PCDHA12: variants seen among roughly 807,000 people sequenced by gnomAD.
PCDHA12 encodes the protein protocadherin alpha 12, also known as protocadherin alpha-12.
A neutral mutation model predicts 60.0 loss-of-function variants in PCDHA12; 44 were observed. That is an observed-to-expected ratio of 0.73 (90% confidence interval 0.58 to 0.94). PCDHA12 has a LOEUF of 0.94. Among genes scored for constraint, PCDHA12 ranks in the 40% least tolerant of loss-of-function variants. PCDHA12 has a pLI of 0.00. For synonymous variants in PCDHA12, 569 were observed against 553.0 expected, an observed-to-expected ratio of 1.03 and a Z score of -0.40; for missense variants, 1,276 against 1,239.7, an observed-to-expected ratio of 1.03 and a Z score of -0.44.
rs1554262759 is a variant in PCDHA12 at position 141,010,215 on chromosome 5, G to A, written c.*278G>A. ...CCTTTCTCCTCCGCCGCAAAGGAGA[G>A]GCTTCCCAGCCCCGCCAGTGAGAGG... On this transcript the variant is annotated 3_prime_UTR_variant, in exon 4 of 4. Transcript: ENST00000398631. The A allele has an allele frequency of 6.4e-7, 1 of 1,551,774 alleles. No homozygotes were observed. Among genetic ancestry groups the A allele is most frequent in the East Asian group, 2.4e-5 (1 of 40,918 alleles).
In PCDHA12 at chr5:140,876,938, T is replaced by C; in HGVS notation, c.1466T>C (p.Leu489Pro). The stretch of plus-strand genomic sequence containing the variant: ...GACGCGGACGCGCAGAAGAACGCGC[T>C]GGTGTCCTACTCGCTGGTGGAGCGG... ...AWDADAQKNALVSYSLVERRV... is the reference protein window; with the variant it reads ...AWDADAQKNAPVSYSLVERRV... The change falls in exon 1 of 4, where the codon CTG becomes CCG. Residue 489 changes from leucine to proline, a missense_variant. Physicochemically the swap from Leu to Pro is moderately conservative, Grantham distance 98. Transcript: ENST00000398631. The C allele has an allele frequency of 6.2e-7, 1 of 1,613,716 alleles. No individual in the cohort carries two copies. The highest frequency in any genetic ancestry group is 2.2e-5 in the East Asian group (1 of 44,884).
Position 141,009,792 on chromosome 5 carries a change from C to G in PCDHA12, c.2681C>G (p.Pro894Arg), listed in dbSNP as rs1359138927. ...SPAIISIRQEPTNSQIDKSDF... is the reference protein window; with the variant it reads ...SPAIISIRQERTNSQIDKSDF... ...GCAATCATCTCCATCCGGCAGGAGC[C>G]TACTAACAGCCAAATTGACAAAAGT... The change falls in exon 4 of 4, where the codon CCT (proline) becomes CGT (arginine). Residue 894 changes from proline (P) to arginine (R), a missense_variant. Physicochemically the swap from Pro to Arg is moderately radical, Grantham distance 103. Coordinates refer to ENST00000398631, the MANE Select transcript of PCDHA12 (RefSeq NM_018903.4). The G allele has an allele frequency of 4.3e-6, 7 of 1,613,950 alleles. 1 individual carries two copies. Among genetic ancestry groups the G allele is most frequent in the Middle Eastern group, 3.3e-4 (2 of 6,084 alleles).
intron 1 of PCDHA12, chr5:140,966,362 A>C: frequency 2.5e-6 from 1 of 400,494 alleles, no homozygotes; most frequent in Non-Finnish European, 4.4e-6. Flanking sequence ...GGGGCTGGAG[A>C]GGCTGAGCAG....
At chr5:140,914,439 T>A (rs1352001626) in intron 1 of PCDHA12, among the ~76,000 whole-genome samples, 2 of 152,310 alleles carry the variant, frequency 1.3e-5, no homozygotes, top group South Asian at 2.1e-4. Context: ...TCTTTTCCCA[T>A]GTCTTTATTT....
chr5:140,995,812 G>A (rs2097699173), intron 3 of PCDHA12, among the ~76,000 whole-genome samples: 1 of 152,202 alleles, frequency 6.6e-6, no homozygotes, highest in Non-Finnish European at 1.5e-5. Flanking sequence ...TTTCTGAAGG[G>A]AGATAGCCTG....
chr5:140,967,548 C>G (rs782750678), intron 1 of PCDHA12: 1 of 1,613,922 alleles, frequency 6.2e-7, no homozygotes, highest in Admixed American at 1.7e-5. Flanking sequence ...GACCAGTCCA[C>G]TTATCGCGTC....
At chr5:140,976,286 C>G (rs1554237455) in intron 1 of PCDHA12, among the ~76,000 whole-genome samples, 2 of 152,098 alleles carry the variant, frequency 1.3e-5, no homozygotes, top group African/African-American at 2.4e-5. Flanking sequence ...CACAGTGGCT[C>G]AAGCCTGTAA....
chr5:140,997,133 C>G (rs1554255761), intron 3 of PCDHA12, among the ~76,000 whole-genome samples: 1 of 152,092 alleles, frequency 6.6e-6, no homozygotes, highest in Non-Finnish European at 1.5e-5. Flanking sequence ...ACAATGCCCC[C>G]ACACCCCCGC....
rs941007574 is a variant in PCDHA12 at position 141,010,090 on chromosome 5, C to G, written c.*153C>G. ...AAGTTCCCTGTGTCTGTCTAGAACG[C>G]ATTTAACAGGTTTTGTCGTAAAAGC... On this transcript the variant is annotated 3_prime_UTR_variant, in exon 4 of 4. Transcript: ENST00000398631. 1.5e-5 allele frequency: 24 copies of G among 1,612,636 alleles called. No homozygotes were observed. Among genetic ancestry groups the G allele is most frequent in the Non-Finnish European group, 2.0e-5 (24 of 1,179,276 alleles).
chr5:140,927,637 G>A lies in PCDHA12; in HGVS notation c.2367+49798G>A, dbSNP rs1554204838. Reference sequence around the variant, plus strand: ...CAAGGTTCCAGAGACTGCACCCAATGGGACTGTGTTATTCCGAGTTCAAGC... The same window carrying A: ...CAAGGTTCCAGAGACTGCACCCAATAGGACTGTGTTATTCCGAGTTCAAGC... On this transcript the variant is annotated intron_variant, in intron 1 of 3. Coordinates refer to ENST00000398631, the MANE Select transcript of PCDHA12 (RefSeq NM_018903.4). 3.7e-6 allele frequency: 6 copies of A among 1,614,176 alleles called. 1 individual carries two copies. In the Middle Eastern group the frequency reaches 9.9e-4, roughly 266 times the overall value.
intron 3 of PCDHA12, among the ~76,000 whole-genome samples, chr5:140,992,758 G>T (rs1160312796): frequency 6.6e-6 from 1 of 152,182 alleles, no homozygotes; most frequent in Non-Finnish European, 1.5e-5. Flanking sequence ...CTGTGTTGGG[G>T]ATAGGAGGGT....
intron 1 of PCDHA12, chr5:140,926,863 G>A: frequency 1.3e-6 from 2 of 1,523,054 alleles, no homozygotes; most frequent in Non-Finnish European, 8.8e-7. Flanking sequence ...GGTGTAGCGT[G>A]TTGGTGGAAC....
At chr5:140,928,942 T>G in intron 1 of PCDHA12, 1 of 1,614,062 alleles carries the variant, frequency 6.2e-7, no homozygotes, top group Non-Finnish European at 8.5e-7. Flanking sequence ...GAACTTGTAT[T>G]TAGTAATTGC....
chr5:141,009,233 T>C (rs2098403082), intron 3 of PCDHA12, among the ~76,000 whole-genome samples: 1 of 152,184 alleles, frequency 6.6e-6, no homozygotes, highest in Non-Finnish European at 1.5e-5. Context: ...GGTGGGAGGA[T>C]CTCTTGAGCT....
Position 140,937,138 on chromosome 5 carries a change from T to C in PCDHA12, c.2368-41811T>C, listed in dbSNP as rs368450201. On this transcript the variant is annotated intron_variant, in intron 1 of 3. Coordinates refer to ENST00000398631, the MANE Select transcript of PCDHA12 (RefSeq NM_018903.4). ...CTGCAAGCTCCGCCTCCCGGGTTCA[T>C]GCCATTCTCCTGCCTCAGCCTCCCG... is the stretch of plus-strand genomic sequence containing the variant. 1.7e-4 allele frequency among the ~76,000 whole-genome samples: 25 copies of C among 151,290 alleles called. 1 individual carries two copies. In the South Asian group the frequency reaches 2.7e-3, roughly 16 times the overall value.
intron 1 of PCDHA12, among the ~76,000 whole-genome samples, chr5:140,964,393 C>T (rs782008532): frequency 6.6e-6 from 1 of 152,098 alleles, no homozygotes; most frequent in Admixed American, 6.5e-5. Context: ...GTTTTTCTCC[C>T]AAGACATGAC....
At chr5:141,002,357 C>G (rs2098075744) in intron 3 of PCDHA12, among the ~76,000 whole-genome samples, 2 of 152,246 alleles carry the variant, frequency 1.3e-5, no homozygotes, top group Admixed American at 6.5e-5. Flanking sequence ...ACCTCCACTC[C>G]TTTCAACTCA....
At chr5:140,928,252 G>T in intron 1 of PCDHA12, 1 of 1,614,208 alleles carries the variant, frequency 6.2e-7, no homozygotes, top group Non-Finnish European at 8.5e-7. Flanking sequence ...GGAACTTTTC[G>T]TTGCTGAAAA....
At chr5:140,927,533 C>T in intron 1 of PCDHA12, 1 of 1,614,102 alleles carries the variant, frequency 6.2e-7, no homozygotes, top group Non-Finnish European at 8.5e-7. Flanking sequence ...CCTGCCCGCT[C>T]AGGAGACGCA....
Sources: gnomAD v4.1 joint callset for allele counts (sites outside exome capture counted in the v4.1 genomes callset) on GRCh38, gnomAD v4.1.1 for gene constraint, MANE v1.5 for transcripts, NCBI Gene and HGNC (gene_info 2026-07-23, HGNC 2026-07-21) for gene names.